EPHA1: variants seen among roughly 807,000 people sequenced by gnomAD.
EPHA1 encodes EPH receptor A1.
EPHA1 carries 92 observed loss-of-function variants against 110.1 expected under a neutral mutation model. The ratio of observed to expected loss-of-function variants is 0.84; its 90% CI spans 0.71 to 0.99. The LOEUF is 0.99. Ranked by LOEUF, EPHA1 falls within the 50% of genes least tolerant of loss-of-function variation. The probability of loss-of-function intolerance (pLI) is 0.00; values close to 1 mark genes in which losing one functional copy is unlikely to be tolerated. For missense variants in EPHA1, 1,204 were observed against 1,285.4 expected, an observed-to-expected ratio of 0.94 and a Z score of 0.97; for synonymous variants, 500 against 516.1, an observed-to-expected ratio of 0.97 and a Z score of 0.42.
In EPHA1 at chr7:143,395,270, C is replaced by CTCTT. The variant is rs770598035; in HGVS notation, c.2083+45_2083+48dup. On this transcript the variant is annotated intron_variant, in intron 12 of 17. Transcript: ENST00000275815. The surrounding 1 kb of genome is among the most constrained non-coding windows in gnomAD (Gnocchi z 4.7). Reference sequence around the variant, plus strand: ...CCCTCCACTTCCAGTGGTTTCACCCCTCTTTCCTGCATTTCCCGCCCCCAG... The same window carrying CTCTT: ...CCCTCCACTTCCAGTGGTTTCACCCCTCTTTCTTTCCTGCATTTCCCGCCCCCAG... The CTCTT allele has an allele frequency of 6.2e-7, 1 of 1,613,388 alleles. No individual in the cohort carries two copies. The highest frequency in any genetic ancestry group is 1.6e-4 in the Middle Eastern group (1 of 6,078).
chr7:143,397,232 C>T, intron 10 of EPHA1, 72 bp downstream of exon 10: 1 of 1,477,196 alleles, frequency 6.8e-7, no homozygotes, highest in South Asian at 1.3e-5. Flanking sequence ...GTGGCATCTC[C>T]CAACACACAC....
At chr7:143,399,113 G>A (rs1368791017) in intron 5 of EPHA1, 145 bp downstream of exon 5, 4 of 1,238,578 alleles carry the variant, frequency 3.2e-6, no homozygotes, top group Non-Finnish European at 4.6e-6. Flanking sequence ...GGGAGAGCAG[G>A]GTGCCAGGGC....
intron 2 of EPHA1, among the ~76,000 whole-genome samples, chr7:143,406,359 T>C (rs542666657): frequency 5.1e-4 from 77 of 152,334 alleles, no homozygotes; most frequent in Non-Finnish European, 5.1e-4. Context: ...TGGATGGCCA[T>C]ACATGATTAG....
chr7:143,403,971 C>T (rs1464166083), intron 2 of EPHA1, among the ~76,000 whole-genome samples: 1 of 152,158 alleles, frequency 6.6e-6, no homozygotes, highest in Non-Finnish European at 1.5e-5. Flanking sequence ...AATATTTTCT[C>T]CCTGTCTGCC....
At chr7:143,402,130 T>C (rs1425164455) in intron 2 of EPHA1, among the ~76,000 whole-genome samples, 2 of 151,340 alleles carry the variant, frequency 1.3e-5, no homozygotes, top group Non-Finnish European at 2.9e-5. Flanking sequence ...GTTCTTGCTA[T>C]GCTGTCCAGG....
chr7:143,397,168 C>T (rs1805273462), intron 10 of EPHA1, 136 bp downstream of exon 10: 4 of 1,063,990 alleles, frequency 3.8e-6, no homozygotes, highest in Non-Finnish European at 5.3e-6. Context: ...GACAACAAAC[C>T]CCACATGTGC....
At chr7:143,396,598 C>T in intron 10 of EPHA1, 88 bp from the exon 11 acceptor site, 1 of 1,488,914 alleles carries the variant, frequency 6.7e-7, no homozygotes, top group South Asian at 1.2e-5. Context: ...GGACCACACA[C>T]TTCTCCACAC....
At chr7:143,406,458 G>T (rs895481104) in intron 2 of EPHA1, among the ~76,000 whole-genome samples, 1 of 152,206 alleles carries the variant, frequency 6.6e-6, no homozygotes, top group South Asian at 2.1e-4. Flanking sequence ...TGTAATAACC[G>T]TTATAGTAAG....
rs1231495693 is a variant in EPHA1 at position 143,399,883 on chromosome 7, G to T, written c.603C>A (p.Tyr201Ter). 13 of 1,608,782 alleles carry T rather than the reference G, an allele frequency of 8.1e-6. No homozygotes were observed. Among genetic ancestry groups the T allele is most frequent in the Non-Finnish European group, 1.1e-5 (13 of 1,177,462 alleles). ...CATTCAGGGTCTCAGGACAGCGCTG[G>T]TAGAAGACCCGGACAGACACCAGGG... ...CVALVSVRVF[Y>*]QRCPETLNGL... Residue 201 changes from tyrosine to a stop codon, truncating the protein, a stop_gained, in exon 4 of 18, where the codon TAC (tyrosine) becomes TAA (stop). Coordinates refer to ENST00000275815, the MANE Select transcript of EPHA1 (RefSeq NM_005232.5). LOFTEE classifies it high-confidence loss of function.
chr7:143,397,483 G>T lies in EPHA1; in HGVS notation c.1712+78C>A. 1.9e-6 allele frequency: 3 copies of T among 1,591,728 alleles called. No individual in the cohort carries two copies. In the South Asian group the frequency reaches 3.3e-5, roughly 18 times the overall value. On this transcript the variant is annotated intron_variant, in intron 9 of 17. Transcript: ENST00000275815. ...TGCAGGATGGGTTTTGATACTAGGG[G>T]ATGGGAGGGTCGTTGGGGCTGCAGT...
chr7:143,398,578 C>T (rs1414654777), intron 6 of EPHA1, 23 bp downstream of exon 6: 2 of 1,609,332 alleles, frequency 1.2e-6, no homozygotes, highest in Non-Finnish European at 1.7e-6. Flanking sequence ...AGGTCCCTGT[C>T]CCAGCCCCTC....
rs746565638 is a variant in EPHA1 at position 143,401,492 on chromosome 7, G to A, written c.264C>T (p.Arg88=). 122 of 1,613,994 alleles carry A rather than the reference G, an allele frequency of 7.6e-5. No homozygotes were observed. Among genetic ancestry groups the A allele is most frequent in the Non-Finnish European group, 9.4e-5 (111 of 1,180,050 alleles). ...CGTGGACGCGGGAAGCCTCCTCCCC[G>A]CGGTAGATCCAATTGGAGCGAAGCC... ...DHWLRSNWIY[R]GEEASRVHVE... The change falls in exon 3 of 18, where the codon CGC becomes CGT. Residue 88 remains arginine (R), a synonymous_variant. Coordinates refer to ENST00000275815, the MANE Select transcript of EPHA1 (RefSeq NM_005232.5). The surrounding 1 kb of genome is among the most constrained non-coding windows in gnomAD (Gnocchi z 4.1).
Position 143,399,657 on chromosome 7 carries a change from A to G in EPHA1, c.829T>C (p.Cys277Arg). 2 of 1,613,240 alleles carry G rather than the reference A, an allele frequency of 1.2e-6. No individual in the cohort carries two copies. The highest frequency in any genetic ancestry group is 1.7e-6 in the Non-Finnish European group (2 of 1,180,008). ...TCACCGCCTCCGTTCTTACCAACAC[A>G]TGCTTCGCCACTGCCACCTTCCTCA... ...GYEEGGSGEA[C>R]VACPSGSYRM... Residue 277 changes from cysteine (C) to arginine (R), a missense_variant, in exon 4 of 18, where the codon TGT becomes CGT. Cys to Arg is a radical substitution (Grantham distance 180). Transcript: ENST00000275815.
intron 7 of EPHA1, 89 bp downstream of exon 7, chr7:143,398,232 G>T: frequency 8.2e-6 from 13 of 1,590,680 alleles, no homozygotes; most frequent in Non-Finnish European, 1.1e-5. Flanking sequence ...GACTTCGGGT[G>T]GATTCCTCCC....
At chr7:143,405,606 A>G (rs1223843887) in intron 2 of EPHA1, among the ~76,000 whole-genome samples, 1 of 152,000 alleles carries the variant, frequency 6.6e-6, no homozygotes, top group East Asian at 1.9e-4. Context: ...CAAATTAGGG[A>G]AGAGTTATTT....
chr7:143,399,871 A>C lies in EPHA1; in HGVS notation c.615T>G (p.Pro205=). 1 of 1,606,480 alleles carries C rather than the reference A, an allele frequency of 6.2e-7. No individual in the cohort carries two copies. The highest frequency in any genetic ancestry group is 8.5e-7 in the Non-Finnish European group (1 of 1,176,326). ...VSVRVFYQRC[P]ETLNGLAQFP... ...ATTGGGCCAAGCCATTCAGGGTCTC[A>C]GGACAGCGCTGGTAGAAGACCCGGA... Residue 205 remains proline, a synonymous_variant, in exon 4 of 18, where the codon CCT becomes CCG. Transcript: ENST00000275815.
chr7:143,398,288 A>T, intron 7 of EPHA1, 33 bp downstream of exon 7: 1 of 1,612,354 alleles, frequency 6.2e-7, no homozygotes, highest in South Asian at 1.1e-5. Context: ...CCGGGCATGG[A>T]CACTGAAGAC....
intron 3 of EPHA1, 129 bp from the exon 4 acceptor site, chr7:143,400,182 A>C (rs1805381174): frequency 1.8e-6 from 2 of 1,138,238 alleles, no homozygotes; most frequent in African/African-American, 1.6e-5. Flanking sequence ...GTGAGGTGCC[A>C]GGCTAAGCAT....
intron 9 of EPHA1, 73 bp downstream of exon 9, chr7:143,397,488 G>A (rs1805286831): frequency 6.3e-7 from 1 of 1,595,018 alleles, no homozygotes; most frequent in South Asian, 1.1e-5. Flanking sequence ...TAGGGGATGG[G>A]AGGGTCGTTG....
Sources: gnomAD v4.1 joint callset for allele counts (sites outside exome capture counted in the v4.1 genomes callset) on GRCh38, gnomAD v4.1.1 for gene constraint, Gnocchi (gnomAD v3.1) non-coding constraint, MANE v1.5 for transcripts, NCBI Gene and HGNC (gene_info 2026-07-23, HGNC 2026-07-21) for gene names.